The following KIAA1217 variants were observed in gnomAD, a reference collection of about 807,000 sequenced individuals.
The protein encoded by KIAA1217 is sickle tail protein homolog.
KIAA1217 carries 88 observed loss-of-function variants against 163.9 expected under a neutral mutation model. The observed-to-expected ratio is 0.54, with a 90% CI of 0.45 to 0.64. KIAA1217 has a LOEUF of 0.64. Among genes scored for constraint, KIAA1217 ranks in the 30% least tolerant of loss-of-function variants. The pLI is 0.00. For missense variants in KIAA1217, 2,372 were observed against 2,475.0 expected (o/e 0.96, Z 0.88); for synonymous variants, 903 against 923.1 (o/e 0.98, Z 0.39).
At chr10:24,133,264 A>C (rs2063718441) in intron 2 of KIAA1217, among the ~76,000 whole-genome samples, 1 of 152,120 alleles carries the variant, frequency 6.6e-6, no homozygotes. Context: ...TTAAGCTGTC[A>C]TGATTCTATT....
At chr10:24,194,609 T>C (rs1465616108) in intron 2 of KIAA1217, among the ~76,000 whole-genome samples, 1 of 151,612 alleles carries the variant, frequency 6.6e-6, no homozygotes, top group African/African-American at 2.4e-5. Flanking sequence ...AGTCTCGCTC[T>C]GTCAACCAGA....
intron 2 of KIAA1217, among the ~76,000 whole-genome samples, chr10:24,295,680 C>G (rs1320136284): frequency 6.6e-6 from 1 of 152,178 alleles, no homozygotes; most frequent in Non-Finnish European, 1.5e-5. Flanking sequence ...GGTGGAACTT[C>G]TCCCTCTTCA....
chr10:24,411,047 T>C (rs1202357045), intron 3 of KIAA1217, among the ~76,000 whole-genome samples: 1 of 152,178 alleles, frequency 6.6e-6, no homozygotes, highest in Non-Finnish European at 1.5e-5. Flanking sequence ...AAAAACAATA[T>C]CCACAGACCT....
intron 9 of KIAA1217, among the ~76,000 whole-genome samples, chr10:24,512,130 G>A (rs11014129): frequency 0.3 from 45,108 of 151,894 alleles, 6,984 homozygotes; most frequent in Middle Eastern, 0.4. Context: ...GTGTTGAAAT[G>A]TTTTATCTTT....
chr10:24,260,558 T>C (rs2075617812), intron 2 of KIAA1217, among the ~76,000 whole-genome samples: 1 of 127,710 alleles, frequency 7.8e-6, no homozygotes, highest in Non-Finnish European at 1.6e-5. Context: ...GAGACGATCC[T>C]GGGCAACTTT....
chr10:24,442,556 C>G (rs1334179249), intron 5 of KIAA1217, among the ~76,000 whole-genome samples: 1 of 152,134 alleles, frequency 6.6e-6, no homozygotes, highest in Non-Finnish European at 1.5e-5. Context: ...CCAATGCATT[C>G]TGTTGAAGAA....
At chr10:24,208,942 G>C (rs2067730032), upstream of KIAA1217, 1 of 422,910 alleles carries the variant, frequency 2.4e-6, no homozygotes, top group Non-Finnish European at 4.3e-6. Context: ...CCTGAGGACG[G>C]ACGGACGGAC....
chr10:24,347,120 G>A (rs563751731), intron 2 of KIAA1217, among the ~76,000 whole-genome samples: 60 of 152,098 alleles, frequency 3.9e-4, no homozygotes, highest in Non-Finnish European at 3.7e-4. Context: ...TTCAAGTTTA[G>A]GCAGGTGCAG....
At chr10:23,843,541 G>C (rs1472219938) in intron 1 of KIAA1217, among the ~76,000 whole-genome samples, 2 of 152,076 alleles carry the variant, frequency 1.3e-5, no homozygotes, top group Non-Finnish European at 2.9e-5. Flanking sequence ...CTTACCATTT[G>C]ACGAGGACCT....
chr10:24,211,570 G>C (rs139822925), intron 1 of KIAA1217, among the ~76,000 whole-genome samples: 1 of 139,786 alleles, frequency 7.2e-6, no homozygotes, highest in Non-Finnish European at 1.5e-5. Flanking sequence ...GTATTGTATT[G>C]TATTGTATTG....
intron 5 of KIAA1217, among the ~76,000 whole-genome samples, chr10:24,466,290 GC>G (rs1317183182): frequency 2.0e-5 from 3 of 149,974 alleles, no homozygotes; most frequent in Non-Finnish European, 3.0e-5. Flanking sequence ...CTGGTTGTTT[GC>G]CCTTTCTAAT....
At chr10:24,343,102 C>CT (rs1223912332) in intron 2 of KIAA1217, among the ~76,000 whole-genome samples, 6 of 152,174 alleles carry the variant, frequency 3.9e-5, no homozygotes, top group African/African-American at 1.2e-4. Context: ...TATCCAATTT[C>CT]TTACGAAGGC....
intron 9 of KIAA1217, among the ~76,000 whole-genome samples, chr10:24,509,257 C>T (rs2068771522): frequency 6.6e-6 from 1 of 152,160 alleles, no homozygotes; most frequent in East Asian, 1.9e-4. Flanking sequence ...GCAAGAACAC[C>T]AGACAGGGAG....
At chr10:24,299,438 G>A (rs894784351) in intron 2 of KIAA1217, among the ~76,000 whole-genome samples, 1 of 152,122 alleles carries the variant, frequency 6.6e-6, no homozygotes, top group Non-Finnish European at 1.5e-5. Context: ...TGGAAACAGG[G>A]TCTTGCTCTG....
intron 1 of KIAA1217, among the ~76,000 whole-genome samples, chr10:23,807,634 AT>A (rs1564438771): frequency 6.6e-6 from 1 of 152,256 alleles, no homozygotes; most frequent in Non-Finnish European, 1.5e-5. Flanking sequence ...GATAGGATGA[AT>A]ATGGCTGAGT....
chr10:23,840,100 G>A (rs1018268660), intron 1 of KIAA1217, among the ~76,000 whole-genome samples: 2 of 151,904 alleles, frequency 1.3e-5, no homozygotes, highest in Admixed American at 1.3e-4. Flanking sequence ...CATTTGGTTG[G>A]TATATCTGGT....
chr10:23,898,626 G>T (rs914178352), intron 1 of KIAA1217, among the ~76,000 whole-genome samples: 1 of 151,806 alleles, frequency 6.6e-6, no homozygotes, highest in Non-Finnish European at 1.5e-5. Flanking sequence ...TTACCATCTT[G>T]ACCATTTTTA....
chr10:24,436,886 C>T (rs929411625), intron 4 of KIAA1217, among the ~76,000 whole-genome samples: 3 of 151,752 alleles, frequency 2.0e-5, no homozygotes, highest in Middle Eastern at 3.4e-3. Flanking sequence ...GTTTCTGAAG[C>T]GTGAGCATAT....
At chr10:23,712,083 C>A (rs1837293518) in intron 1 of KIAA1217, among the ~76,000 whole-genome samples, 1 of 151,996 alleles carries the variant, frequency 6.6e-6, no homozygotes, top group Non-Finnish European at 1.5e-5. Flanking sequence ...TTCTAGTGAC[C>A]CCACAGGCAA....
Sources: allele counts gnomAD v4.1 joint callset (sites outside exome capture counted in the v4.1 genomes callset), GRCh38; gene constraint gnomAD v4.1.1; transcripts MANE v1.5; gene names NCBI Gene and HGNC (gene_info 2026-07-23, HGNC 2026-07-21).